The following MPRIP variants were observed in gnomAD, a reference collection of about 807,000 sequenced individuals.
The protein encoded by MPRIP is myosin phosphatase Rho interacting protein.
A neutral mutation model predicts 234.9 loss-of-function variants in MPRIP; 59 were observed. The ratio of observed to expected loss-of-function variants is 0.25; its 90% CI spans 0.20 to 0.31. The LOEUF is 0.31. MPRIP is among the 10% of genes least tolerant of loss of function. The pLI, the probability that MPRIP is intolerant of heterozygous loss-of-function variation, is 1.00. For missense variants in MPRIP, 2,436 were observed against 3,071.0 expected (o/e 0.79, Z 4.89); for synonymous variants, 1,144 against 1,263.9 (o/e 0.91, Z 2.01).
intron 3 of MPRIP, among the ~76,000 whole-genome samples, chr17:17,109,686 C>G (rs1303075581): frequency 2.0e-5 from 3 of 152,170 alleles, no homozygotes; most frequent in Non-Finnish European, 4.4e-5. Context: ...CACCTGCCAT[C>G]CAGATCTTGA....
intron 18 of MPRIP, 126 bp downstream of exon 18, chr17:17,172,941 C>T: frequency 5.3e-6 from 4 of 749,776 alleles, no homozygotes; most frequent in South Asian, 3.4e-5. Context: ...CCCCTGGGTG[C>T]TGAGGGCAGC....
Position 17,158,481 on chromosome 17 carries a change from C to G in MPRIP, c.1879C>G (p.Pro627Ala), listed in dbSNP as rs1210393111. ...NKSSCSFETC[P>A]RPTEKQEAEL... ...GAGCAGCTGCTCTTTTGAGACCTGCCCGAGGCCTACTGAGAAGCAAGAGGC... is the reference window on the plus strand; with the variant it reads ...GAGCAGCTGCTCTTTTGAGACCTGCGCGAGGCCTACTGAGAAGCAAGAGGC... The change falls in exon 14 of 24, where the codon CCG (proline) becomes GCG (alanine). Residue 627 changes from proline to alanine, a missense_variant. Around this residue, in one of 4 missense-constraint regions of MPRIP, gnomAD observed 1,998 missense variants for 2,520.3 expected, o/e 0.79. Coordinates refer to ENST00000651222, the MANE Select transcript of MPRIP (RefSeq NM_001364716.4). The G allele has an allele frequency of 1.2e-6, 2 of 1,608,090 alleles. No individual in the cohort carries two copies. The highest frequency in any genetic ancestry group is 1.7e-5 in the Admixed American group (1 of 59,392).
rs754906962 is a variant in MPRIP, at chr17:17,165,937, A to T, written c.4346A>T (p.Gln1449Leu). Residue 1449 changes from glutamine to leucine, a missense_variant, in exon 16 of 24, where the codon CAG (glutamine) becomes CTG (leucine). Around this residue, in one of 4 missense-constraint regions of MPRIP, gnomAD observed 1,998 missense variants for 2,520.3 expected, o/e 0.79. Transcript: ENST00000651222. ...QVGALASQLEQERQERARRVE... is the reference protein window; with the variant it reads ...QVGALASQLELERQERARRVE... ...GGCGCACTGGCCTCCCAGCTGGAGC[A>T]GGAGAGGCAGGAGAGGGCCAGGAGG... 52 of 1,304,122 alleles carry T rather than the reference A, an allele frequency of 4.0e-5. No homozygotes were observed. Among genetic ancestry groups the T allele is most frequent in the Non-Finnish European group, 5.1e-5 (50 of 988,916 alleles). The allele number at this position is 1,304,122 out of a possible 1,614,324, so 80.8% of individuals were successfully genotyped here.
intron 17 of MPRIP, 24 bp downstream of exon 17, chr17:17,171,889 G>A: frequency 2.5e-6 from 4 of 1,595,962 alleles, no homozygotes; most frequent in Non-Finnish European, 3.4e-6. Context: ...GTAACCCTGA[G>A]GGCAGGGTGG....
rs747121340 is a variant in MPRIP, at chr17:17,177,369, A to T, written c.7077A>T (p.Ala2359=). Residue 2359 remains alanine, a synonymous_variant, in exon 22 of 24, where the codon GCA becomes GCT. Coordinates refer to ENST00000651222, the MANE Select transcript of MPRIP (RefSeq NM_001364716.4). ...LKEQLKAATE[A]LGEKSPDSAT... is the part of the protein sequence containing the mutation. Reference sequence around the variant, plus strand: ...AGCAGCTCAAGGCTGCAACGGAAGCACTGGGGGAGAAGTCCCCTGACAGTG... The same window carrying T: ...AGCAGCTCAAGGCTGCAACGGAAGCTCTGGGGGAGAAGTCCCCTGACAGTG... The T allele has an allele frequency of 6.2e-7, 1 of 1,613,876 alleles. No individual in the cohort carries two copies. The highest frequency in any genetic ancestry group is 8.5e-7 in the Non-Finnish European group (1 of 1,180,044).
chr17:17,147,412 C>T (rs1353375973), intron 11 of MPRIP, 25 bp downstream of exon 11: 1 of 1,611,198 alleles, frequency 6.2e-7, no homozygotes, highest in Non-Finnish European at 8.5e-7. Flanking sequence ...TTTGCCTCTG[C>T]TGTGGAGACA....
rs763047536 is a variant in MPRIP, at chr17:17,154,421, A to G, written c.1829+6A>G. On this transcript the variant is annotated splice_donor_region_variant and intron_variant, in intron 13 of 23. Coordinates refer to ENST00000651222, the MANE Select transcript of MPRIP (RefSeq NM_001364716.4). ...ACTGCCCCGGATGTGACCAGGTAGG[A>G]TGGTGAAGACACCAGGGAGCCCTTT... 1.7e-5 allele frequency: 27 copies of G among 1,613,440 alleles called. No individual in the cohort carries two copies. The highest frequency in any genetic ancestry group is 2.3e-5 in the Non-Finnish European group (27 of 1,179,520).
intron 3 of MPRIP, among the ~76,000 whole-genome samples, chr17:17,106,050 C>G (rs540873623): frequency 6.6e-6 from 1 of 152,340 alleles, no homozygotes; most frequent in South Asian, 2.1e-4. Context: ...TCAGGATCTT[C>G]CTGAGTCCCT....
chr17:17,129,223 C>T (rs1312598310), intron 4 of MPRIP, among the ~76,000 whole-genome samples: 1 of 152,074 alleles, frequency 6.6e-6, no homozygotes, highest in Non-Finnish European at 1.5e-5. Flanking sequence ...CAAGGGAGCT[C>T]TTCTGTGCTC....
At chr17:17,141,298 C>G (rs1332135508) in intron 7 of MPRIP, among the ~76,000 whole-genome samples, 1 of 152,202 alleles carries the variant, frequency 6.6e-6, no homozygotes, top group Non-Finnish European at 1.5e-5. Context: ...CTTGCACTTA[C>G]CAAGCTTTCC....
At chr17:17,170,895 C>T (rs2046118407) in intron 16 of MPRIP, 3 of 152,318 alleles carry the variant, frequency 2.0e-5, no homozygotes, top group South Asian at 4.1e-4. Flanking sequence ...GTGGCTTGCT[C>T]CCATCCTGGG....
chr17:17,052,457 T>G (rs866620778), intron 1 of MPRIP, among the ~76,000 whole-genome samples: 1 of 152,092 alleles, frequency 6.6e-6, no homozygotes, highest in Non-Finnish European at 1.5e-5. Flanking sequence ...GGTGAGGGAT[T>G]GTCTTCAATT....
intron 7 of MPRIP, chr17:17,141,837 C>A (rs1350402526): frequency 3.3e-5 from 5 of 152,770 alleles, no homozygotes; most frequent in Non-Finnish European, 7.3e-5. Flanking sequence ...CACCTCTGAC[C>A]CCACCAGGGT....
intron 1 of MPRIP, among the ~76,000 whole-genome samples, chr17:17,067,813 T>TTC (rs1255054516): frequency 2.1e-5 from 3 of 143,010 alleles, no homozygotes; most frequent in African/African-American, 8.4e-5. Context: ...TTTTTTTTTT[T>TTC]TAACAATTAT....
rs566572409 is a variant in MPRIP at position 17,143,461 on chromosome 17, C to G, written c.1390-95C>G. ...ACTGCCCCTCGCCAGGAGCAAGGCC[C>G]TGGCGGCTCTTGGAGGGGTGGACAG... On this transcript the variant is annotated intron_variant, in intron 8 of 23. Coordinates refer to ENST00000651222, the MANE Select transcript of MPRIP (RefSeq NM_001364716.4). The G allele has an allele frequency of 1.5e-5, 11 of 746,590 alleles. No homozygotes were observed. In the South Asian group the frequency reaches 2.2e-4, roughly 15 times the overall value. The allele number at this position is 746,590 out of a possible 1,614,324, so 46.2% of individuals were successfully genotyped here.
At position 17,078,184 on chromosome 17, in the gene MPRIP, G is replaced by A; in HGVS notation, c.267+108G>A. ...GCACAGCAGCCATGTGCTCCTGCTT[G>A]TGTCTGTTTGGGAGTGTGGAATGTT... On this transcript the variant is annotated intron_variant, in intron 3 of 23. Transcript: ENST00000651222. The surrounding 1 kb of genome is among the most constrained non-coding windows in gnomAD (Gnocchi z 4.3). 8.5e-7 allele frequency: 1 copy of A among 1,181,424 alleles called. No homozygotes were observed. The highest frequency in any genetic ancestry group is 1.2e-6 in the Non-Finnish European group (1 of 801,946). 73.2% of individuals were successfully genotyped at this position (1,181,424 alleles called of 1,614,324 possible). A position where few individuals can be genotyped will look rare whatever the true frequency, so the allele number is the denominator to read the frequency against.
chr17:17,180,531 G>A (rs779472296), intron 23 of MPRIP: 13 of 1,330,856 alleles, frequency 9.8e-6, no homozygotes, highest in Non-Finnish European at 1.4e-5. Context: ...GCACAGGAGG[G>A]CGGGCGGAGG....
At chr17:17,050,868 A>G (rs1248370028) in intron 1 of MPRIP, among the ~76,000 whole-genome samples, 1 of 152,166 alleles carries the variant, frequency 6.6e-6, no homozygotes, top group Non-Finnish European at 1.5e-5. Flanking sequence ...ATCCCCCTCT[A>G]AACTGGACGT....
chr17:17,185,033 T>C lies in MPRIP; in HGVS notation c.*139T>C. Reference sequence around the variant, plus strand: ...GTCATCGTTAACTGTGGGCATGGAATGCGTGAGGCTGGCTTCTGGGTTGTC... The same window carrying C: ...GTCATCGTTAACTGTGGGCATGGAACGCGTGAGGCTGGCTTCTGGGTTGTC... On this transcript the variant is annotated 3_prime_UTR_variant, in exon 24 of 24. Transcript: ENST00000651222. 1.7e-6 allele frequency: 1 copy of C among 587,814 alleles called. No individual in the cohort carries two copies. The allele number at this position is 587,814 out of a possible 1,614,324, so 36.4% of individuals were successfully genotyped here. A position where few individuals can be genotyped will look rare whatever the true frequency, so the allele number is the denominator to read the frequency against.
Sources: allele counts gnomAD v4.1 joint callset (sites outside exome capture counted in the v4.1 genomes callset), GRCh38; gene constraint gnomAD v4.1.1; regional missense constraint gnomAD v4.1.1; non-coding constraint Gnocchi (gnomAD v3.1); transcripts MANE v1.5; gene names NCBI Gene and HGNC (gene_info 2026-07-23, HGNC 2026-07-21).